Variants in PLXND1 observed in about 807,000 individuals in gnomAD.
PLXND1 encodes the protein plexin D1.
PLXND1 carries 54 observed loss-of-function variants against 197.7 expected under a neutral mutation model. That is an observed-to-expected ratio of 0.27 (90% CI 0.22 to 0.34). PLXND1 has a LOEUF of 0.34. Ranked by LOEUF, PLXND1 falls within the 10% of genes least tolerant of loss-of-function variation. The pLI is 1.00. For synonymous variants in PLXND1, 1,180 were observed against 1,161.2 expected (o/e 1.02, Z -0.33); for missense variants, 2,127 against 2,699.2 (o/e 0.79, Z 4.70).
chr3:129,603,474 C>T (rs1406643631), intron 1 of PLXND1, among the ~76,000 whole-genome samples: 1 of 152,212 alleles, frequency 6.6e-6, no homozygotes, highest in African/African-American at 2.4e-5. Context: ...CCTCAGTCCA[C>T]AGGACACTTC....
rs201334507 is a variant in PLXND1, at chr3:129,584,393, G to C, written c.2021C>G (p.Pro674Arg). The change falls in exon 6 of 36, where the codon CCC becomes CGC. Residue 674 changes from proline (P) to arginine (R), a missense_variant. This residue lies in a region of PLXND1 where 1,095 missense variants were observed against 1,259.8 expected (regional missense o/e 0.87). Transcript: ENST00000324093. ...LPRDQFPPFP[P>R]NQDHVTVEMS... ...CAGCACAGCGTGCTTACCCTGGTTG[G>C]GGGGGAAGGGCGGAAACTGGTCCCT... is the stretch of plus-strand genomic sequence containing the variant. 737 of 1,612,432 alleles carry C rather than the reference G, an allele frequency of 4.6e-4. 1 individual carries two copies. Among genetic ancestry groups the C allele is most frequent in the Non-Finnish European group, 5.5e-4 (643 of 1,179,206 alleles).
At position 129,556,968 on chromosome 3, in the gene PLXND1, T is replaced by TC; in HGVS notation, c.5586+114_5586+115insG. 2.5e-6 allele frequency: 3 copies of TC among 1,182,402 alleles called. No individual in the cohort carries two copies. In the South Asian group the frequency reaches 4.3e-5, roughly 17 times the overall value. The allele number at this position is 1,182,402 out of a possible 1,614,324, so 73.2% of individuals were successfully genotyped here. A position where few individuals can be genotyped will look rare whatever the true frequency, so the allele number is the denominator to read the frequency against. On this transcript the variant is annotated intron_variant, in intron 34 of 35. Transcript: ENST00000324093. ...GCCAGCAAGAGGCCACAGCCACTTC[T>TC]GAAATGCCCTCTGCGCTCCCTGCCC...
At chr3:129,560,826 TGG>T (rs1209268086) in intron 29 of PLXND1, 103 bp from the exon 30 acceptor site, 2 of 773,982 alleles carry the variant, frequency 2.6e-6, no homozygotes, top group Non-Finnish European at 4.7e-6. Context: ...GACAGAAAGA[TGG>T]GGAGAGAAAC....
chr3:129,580,598 C>T (rs1035499143), intron 8 of PLXND1, among the ~76,000 whole-genome samples: 1 of 152,104 alleles, frequency 6.6e-6, no homozygotes, highest in Non-Finnish European at 1.5e-5. Context: ...AGGGCCCCCA[C>T]AGTGAATGAT....
At chr3:129,560,530 C>A in intron 30 of PLXND1, 96 bp from the exon 31 acceptor site, 1 of 978,660 alleles carries the variant, frequency 1.0e-6, no homozygotes, top group Non-Finnish European at 1.6e-6. Context: ...CACACAAGGG[C>A]TGTGGTTCCC....
chr3:129,556,768 G>T, intron 34 of PLXND1, 77 bp from the exon 35 acceptor site: 1 of 1,056,286 alleles, frequency 9.5e-7, no homozygotes, highest in Non-Finnish European at 1.4e-6. Context: ...CCAGCTGCTT[G>T]CACACAATCC....
intron 27 of PLXND1, among the ~76,000 whole-genome samples, 172 bp from the exon 28 acceptor site, chr3:129,562,075 A>C (rs1222444542): frequency 1.3e-5 from 2 of 152,112 alleles, no homozygotes; most frequent in African/African-American, 4.8e-5. Flanking sequence ...GAGGGCAGGA[A>C]AGAGCTGGGG....
intron 2 of PLXND1, among the ~76,000 whole-genome samples, chr3:129,589,101 G>A (rs1431433078): frequency 2.0e-5 from 3 of 152,182 alleles, no homozygotes; most frequent in African/African-American, 7.2e-5. Context: ...CAGTCCTAGA[G>A]CCTCTGAGAG....
intron 2 of PLXND1, among the ~76,000 whole-genome samples, chr3:129,588,255 G>A (rs1359575395): frequency 1.3e-5 from 2 of 152,160 alleles, no homozygotes; most frequent in African/African-American, 4.8e-5. Flanking sequence ...CATGAGAATC[G>A]TGCCTCTGCC....
intron 3 of PLXND1, 124 bp downstream of exon 3, chr3:129,586,464 T>A (rs1392846347): frequency 1.6e-6 from 2 of 1,236,714 alleles, no homozygotes; most frequent in East Asian, 2.5e-5. Context: ...CAAGGTGGAG[T>A]TAGCAGATAA....
chr3:129,601,848 C>T (rs955382769), intron 1 of PLXND1, among the ~76,000 whole-genome samples: 3 of 152,210 alleles, frequency 2.0e-5, no homozygotes, highest in Non-Finnish European at 4.4e-5. Flanking sequence ...AGCACTGCTG[C>T]AGACCAGGCC....
intron 1 of PLXND1, chr3:129,591,213 G>A (rs1361687846): frequency 2.6e-5 from 4 of 152,250 alleles, no homozygotes; most frequent in Admixed American, 6.5e-5. Flanking sequence ...ATGGTCTTCC[G>A]GAGGATGACG....
At chr3:129,567,955 G>T in intron 20 of PLXND1, 150 bp from the exon 21 acceptor site, 1 of 234,120 alleles carries the variant, frequency 4.3e-6, no homozygotes. Flanking sequence ...GGTTGGGGTG[G>T]GGGGTGGGGA....
In PLXND1 at chr3:129,602,790, T is replaced by A. The variant is rs1215994396; in HGVS notation, c.1311+2539A>T. ...GAACTGCCATCTGCTTGGTGCTTAC[T>A]GTGTACTGGGTACACTGAGCTGCAT... On this transcript the variant is annotated intron_variant, in intron 1 of 35. Transcript: ENST00000324093. 2.0e-5 allele frequency among the ~76,000 whole-genome samples: 3 copies of A among 152,306 alleles called. No homozygotes were observed. In the East Asian group the frequency reaches 5.8e-4, roughly 29 times the overall value.
At chr3:129,570,104 C>T in intron 19 of PLXND1, 147 bp from the exon 20 acceptor site, 1 of 636,028 alleles carries the variant, frequency 1.6e-6, no homozygotes, top group Non-Finnish European at 2.9e-6. Context: ...ACAATGTCCA[C>T]CTCCTGGGGA....
chr3:129,558,310 G>A lies in PLXND1; in HGVS notation c.5445+118C>T. On this transcript the variant is annotated intron_variant, in intron 33 of 35. Coordinates refer to ENST00000324093, the MANE Select transcript of PLXND1 (RefSeq NM_015103.3). The surrounding 1 kb of genome is among the most constrained non-coding windows in gnomAD (Gnocchi z 4.1). Reference sequence around the variant, plus strand: ...ACATCCCCTAGACCTGAGATCTTTTGGTTCCCCTCCCAGGAAGATCTCTGA... The same window carrying A: ...ACATCCCCTAGACCTGAGATCTTTTAGTTCCCCTCCCAGGAAGATCTCTGA... 1.0e-6 allele frequency: 1 copy of A among 961,154 alleles called. No individual in the cohort carries two copies. Among genetic ancestry groups the A allele is most frequent in the African/African-American group, 1.6e-5 (1 of 61,762 alleles). 59.5% of individuals were successfully genotyped at this position (961,154 alleles called of 1,614,324 possible).
In PLXND1 at chr3:129,600,794, C is replaced by T. The variant is rs184902826; in HGVS notation, c.1311+4535G>A. ...AAGCCCATCTTGGAAGCTCTCTCTC[C>T]CTCCGCCCCCACCTGGCATCTCAGC... On this transcript the variant is annotated intron_variant, in intron 1 of 35. Coordinates refer to ENST00000324093, the MANE Select transcript of PLXND1 (RefSeq NM_015103.3). Among the ~76,000 whole-genome samples the T allele has an allele frequency of 3.3e-5, 5 of 152,028 alleles. No homozygotes were observed. The South Asian group carries it at 8.3e-4, about 25-fold the overall frequency.
rs2285358 is a variant in PLXND1, at chr3:129,558,303, A to C, written c.5445+125T>G. 140,794 of 879,072 alleles carry C rather than the reference A, an allele frequency of 0.16. 13,330 individuals are homozygous for C. The highest frequency in any genetic ancestry group is 0.33 in the African/African-American group (19,600 of 59,770). The allele number at this position is 879,072 out of a possible 1,614,324, so 54.5% of individuals were successfully genotyped here. The stretch of plus-strand genomic sequence containing the variant: ...TCATCCCACATCCCCTAGACCTGAG[A>C]TCTTTTGGTTCCCCTCCCAGGAAGA... On this transcript the variant is annotated intron_variant, in intron 33 of 35. Transcript: ENST00000324093. The surrounding 1 kb of genome is among the most constrained non-coding windows in gnomAD (Gnocchi z 4.1).
intron 9 of PLXND1, among the ~76,000 whole-genome samples, chr3:129,578,127 T>C (rs1260452475): frequency 6.6e-6 from 1 of 152,210 alleles, no homozygotes; most frequent in East Asian, 1.9e-4. Context: ...CTTCCTCTTC[T>C]TGCAGCCCCG....
Sources: gnomAD v4.1 joint callset for allele counts (sites outside exome capture counted in the v4.1 genomes callset) on GRCh38, gnomAD v4.1.1 for gene constraint, gnomAD v4.1.1 regional missense constraint, Gnocchi (gnomAD v3.1) non-coding constraint, MANE v1.5 for transcripts, NCBI Gene and HGNC (gene_info 2026-07-23, HGNC 2026-07-21) for gene names.